The following SPATA17 variants were observed in gnomAD, a reference collection of about 807,000 sequenced individuals.
The protein encoded by SPATA17 is spermatogenesis-associated protein 17.
SPATA17 carries 53 observed loss-of-function variants against 62.2 expected under a neutral mutation model. The observed-to-expected ratio is 0.85, with a 90% CI of 0.68 to 1.07. The LOEUF is 1.07. Among genes scored for constraint, SPATA17 ranks in the 50% least tolerant of loss-of-function variants. The pLI, the probability that SPATA17 is intolerant of heterozygous loss-of-function variation, is 0.00. For synonymous variants in SPATA17, 146 were observed against 146.8 expected, an observed-to-expected ratio of 0.99 and a Z score of 0.04; for missense variants, 466 against 425.5, an observed-to-expected ratio of 1.10 and a Z score of -0.84.
chr1:217,756,386 T>G (rs1362581488), intron 6 of SPATA17, among the ~76,000 whole-genome samples: 2 of 152,184 alleles, frequency 1.3e-5, no homozygotes, highest in East Asian at 3.8e-4. Context: ...TAATATTTTT[T>G]AGACTCTGTG....
chr1:217,666,303 A>C (rs1670693526), intron 3 of SPATA17, among the ~76,000 whole-genome samples: 1 of 152,198 alleles, frequency 6.6e-6, no homozygotes, highest in Non-Finnish European at 1.5e-5. Context: ...GAATGAAAAA[A>C]ACAAAACTTT....
At position 217,801,789 on chromosome 1, in the gene SPATA17, G is replaced by A. The variant is rs1409084918; in HGVS notation, c.944G>A (p.Gly315Asp). 1.9e-6 allele frequency: 3 copies of A among 1,611,464 alleles called. No individual in the cohort carries two copies. Among genetic ancestry groups the A allele is most frequent in the East Asian group, 2.2e-5 (1 of 44,662 alleles). The change falls in exon 9 of 11, where the codon GGT becomes GAT. Residue 315 changes from glycine to aspartate, a missense_variant. Physicochemically the swap from Gly to Asp is moderately conservative, Grantham distance 94. Coordinates refer to ENST00000366933, the MANE Select transcript of SPATA17 (RefSeq NM_138796.4). ...TCAATGCATTTATCAAGCAAGTATG[G>A]TCCTATTTCTTACAAAGAACAATTC... is the stretch of plus-strand genomic sequence containing the variant. ...IPSMHLSSKY[G>D]PISYKEQFRS...
chr1:217,699,131 A>G (rs77674072), intron 5 of SPATA17, among the ~76,000 whole-genome samples: 19,218 of 152,108 alleles, frequency 0.13, 1,361 homozygotes, highest in Non-Finnish European at 0.16. Flanking sequence ...GGTTGTTTCT[A>G]TTTTGGAGCT....
chr1:217,851,806 C>CT (rs1675672694), intron 9 of SPATA17, among the ~76,000 whole-genome samples: 2 of 152,088 alleles, frequency 1.3e-5, no homozygotes, highest in Non-Finnish European at 2.9e-5. Context: ...GGCAATATTG[C>CT]TTTTTATTTT....
rs367880348 is a variant in SPATA17, at chr1:217,742,042, G to A, written c.463G>A (p.Glu155Lys). Residue 155 changes from glutamate (E) to lysine (K), a missense_variant, in exon 6 of 11, where the codon GAG (glutamate) becomes AAG (lysine). Physicochemically the swap from Glu to Lys is moderately conservative, Grantham distance 56 (BLOSUM62 1). Transcript: ENST00000366933. ...EEKKANLERE[E>K]KKRDYQARKM... ...GAAGAAGGCTAACCTCGAAAGGGAA[G>A]AGAAGAAAAGAGATTACCAAGCCCG... 1 of 1,614,164 alleles carries A rather than the reference G, an allele frequency of 6.2e-7. No individual in the cohort carries two copies. The highest frequency in any genetic ancestry group is 8.5e-7 in the Non-Finnish European group (1 of 1,180,012).
intron 9 of SPATA17, among the ~76,000 whole-genome samples, chr1:217,859,157 AAT>A (rs1675845084): frequency 1.4e-5 from 2 of 146,684 alleles, no homozygotes; most frequent in Admixed American, 6.8e-5. Flanking sequence ...TTTTATATAT[AAT>A]ATATAAAATT....
chr1:217,646,080 C>A (rs1158963876), intron 1 of SPATA17, among the ~76,000 whole-genome samples: 1 of 151,954 alleles, frequency 6.6e-6, no homozygotes, highest in African/African-American at 2.4e-5. Flanking sequence ...ATCAGGGAGT[C>A]TAGAATTCCT....
intron 6 of SPATA17, among the ~76,000 whole-genome samples, chr1:217,748,481 C>T (rs1008773876): frequency 6.6e-6 from 1 of 151,784 alleles, no homozygotes; most frequent in Non-Finnish European, 1.5e-5. Context: ...CAGTGGCTCA[C>T]GCCTGTAACC....
rs116666589 is a variant in SPATA17 at position 217,770,369 on chromosome 1, T to C, written c.520-3965T>C. Among the ~76,000 whole-genome samples, 1,015 of 152,310 alleles carry C rather than the reference T, an allele frequency of 6.7e-3. 8 individuals are homozygous for C. The highest frequency in any genetic ancestry group is 0.014 in the Middle Eastern group (4 of 294). The stretch of plus-strand genomic sequence containing the variant: ...CTTGAATTCTTCCACCTATCCTGAA[T>C]ACTTAATCATTCTTCATACCCGGAA... On this transcript the variant is annotated intron_variant, in intron 6 of 10. Coordinates refer to ENST00000366933, the MANE Select transcript of SPATA17 (RefSeq NM_138796.4).
At chr1:217,752,688 A>G (rs1314954483) in intron 6 of SPATA17, among the ~76,000 whole-genome samples, 2 of 152,156 alleles carry the variant, frequency 1.3e-5, no homozygotes, top group Non-Finnish European at 2.9e-5. Flanking sequence ...TGGATTCCCC[A>G]TTTATGATTT....
At chr1:217,666,361 A>C (rs1236178652) in intron 3 of SPATA17, among the ~76,000 whole-genome samples, 1 of 152,160 alleles carries the variant, frequency 6.6e-6, no homozygotes, top group Non-Finnish European at 1.5e-5. Context: ...GAGCCTTTCT[A>C]TGAGTTATAT....
intron 5 of SPATA17, among the ~76,000 whole-genome samples, chr1:217,714,737 G>A (rs1392772144): frequency 1.3e-5 from 2 of 151,792 alleles, no homozygotes; most frequent in Admixed American, 6.6e-5. Context: ...CGCCCGCCTC[G>A]GCCTCCCAAA....
chr1:217,773,789 A>G (rs752952331), intron 6 of SPATA17, among the ~76,000 whole-genome samples: 14 of 152,166 alleles, frequency 9.2e-5, no homozygotes, highest in Non-Finnish European at 1.8e-4. Context: ...TGATACCTGT[A>G]GCATTATAGG....
At chr1:217,838,961 C>A (rs893689197) in intron 9 of SPATA17, among the ~76,000 whole-genome samples, 3 of 152,016 alleles carry the variant, frequency 2.0e-5, no homozygotes, top group Admixed American at 1.3e-4. Context: ...AGTACATTAA[C>A]CAAGCCTCTC....
chr1:217,818,175 T>C (rs2102995436), intron 9 of SPATA17, among the ~76,000 whole-genome samples: 1 of 152,228 alleles, frequency 6.6e-6, no homozygotes, highest in East Asian at 1.9e-4. Context: ...CTTTTGTACA[T>C]ATAACCTACC....
intron 9 of SPATA17, among the ~76,000 whole-genome samples, chr1:217,844,564 A>G (rs1021138894): frequency 3.3e-5 from 5 of 152,130 alleles, no homozygotes; most frequent in Admixed American, 3.3e-4. Context: ...ATCATGATAC[A>G]GTCCTTGAAT....
intron 9 of SPATA17, among the ~76,000 whole-genome samples, chr1:217,820,297 C>A (rs1159681957): frequency 6.6e-6 from 1 of 151,896 alleles, no homozygotes; most frequent in Non-Finnish European, 1.5e-5. Flanking sequence ...AAGAAGTTTT[C>A]TCTGGATACA....
At chr1:217,726,500 C>T (rs1157510548) in intron 5 of SPATA17, among the ~76,000 whole-genome samples, 1 of 152,186 alleles carries the variant, frequency 6.6e-6, no homozygotes, top group Admixed American at 6.5e-5. Context: ...GGGGTTCTCA[C>T]TAGGGCCGTC....
intron 5 of SPATA17, 99 bp downstream of exon 5, chr1:217,683,460 A>T: frequency 1.2e-6 from 1 of 841,142 alleles, no homozygotes; most frequent in Non-Finnish European, 2.0e-6. Flanking sequence ...TTTGTTTTAG[A>T]TGGAGTCTTG....
Sources: allele counts gnomAD v4.1 joint callset (sites outside exome capture counted in the v4.1 genomes callset), GRCh38; gene constraint gnomAD v4.1.1; transcripts MANE v1.5; gene names NCBI Gene and HGNC (gene_info 2026-07-23, HGNC 2026-07-21).